Variants in USP43 observed in about 807,000 individuals in gnomAD.
The protein encoded by USP43 is ubiquitin carboxyl-terminal hydrolase 43.
In USP43, 33 loss-of-function variants were observed where a neutral mutation model predicts 90.7. The observed-to-expected ratio is 0.36, with a 90% confidence interval of 0.28 to 0.49. The LOEUF is 0.49. Ranked by LOEUF, USP43 falls within the 20% of genes least tolerant of loss-of-function variation. The pLI, the probability that USP43 is intolerant of heterozygous loss-of-function variation, is 0.98. For synonymous variants in USP43, 598 were observed against 615.8 expected, an observed-to-expected ratio of 0.97 and a Z score of 0.43; for missense variants, 1,274 against 1,476.4, an observed-to-expected ratio of 0.86 and a Z score of 2.25.
At chr17:9,720,365 CTTT>C (rs375103424) in intron 14 of USP43, among the ~76,000 whole-genome samples, 1 of 134,156 alleles carries the variant, frequency 7.5e-6, no homozygotes. Flanking sequence ...AAAAATCCAG[CTTT>C]TTTTTTTTTT....
At position 9,646,127 on chromosome 17, in the gene USP43, G is replaced by A. The variant is rs1352738019; in HGVS notation, c.495G>A (p.Ala165=). ...WTREYTPQLS[A]EFKNAVSKYG... ...GCGAATACACGCCCCAACTTTCCGC[G>A]GAGTTCAAGGTAGGCAGCGCTGCGC... The change falls in exon 1 of 15, where the codon GCG becomes GCA. Residue 165 remains alanine (A), a synonymous_variant. Coordinates refer to ENST00000285199, the MANE Select transcript of USP43 (RefSeq NM_153210.5). 2.0e-6 allele frequency: 3 copies of A among 1,464,698 alleles called. No individual in the cohort carries two copies. The highest frequency in any genetic ancestry group is 2.7e-6 in the Non-Finnish European group (3 of 1,112,014). The allele number at this position is 1,464,698 out of a possible 1,614,324, so 90.7% of individuals were successfully genotyped here.
chr17:9,646,219 C>T, intron 1 of USP43, 83 bp downstream of exon 1: 1 of 1,351,222 alleles, frequency 7.4e-7, no homozygotes, highest in Non-Finnish European at 9.5e-7. Flanking sequence ...AAAGGGTTTT[C>T]TTGGGGCCTT....
rs761275984 is a variant in USP43, at chr17:9,701,159, G to A, written c.1576G>A (p.Asp526Asn). Reference protein sequence around the residue: ...SLQEERAQDADSVWQQQQAHQ... With the variant: ...SLQEERAQDANSVWQQQQAHQ... Reference sequence around the variant, plus strand: ...CCAGGAGGAGCGAGCGCAGGATGCCGACAGTGTGTGGCAGCAGCAGCAGGC... The same window carrying A: ...CCAGGAGGAGCGAGCGCAGGATGCCAACAGTGTGTGGCAGCAGCAGCAGGC... The change falls in exon 11 of 15, where the codon GAC (aspartate) becomes AAC (asparagine). Residue 526 changes from aspartate to asparagine, a missense_variant. Physicochemically the swap from Asp to Asn is conservative, Grantham distance 23. Around this residue, in one of 6 missense-constraint regions of USP43, gnomAD observed 253 missense variants for 276.0 expected, o/e 0.92. Coordinates refer to ENST00000285199, the MANE Select transcript of USP43 (RefSeq NM_153210.5). The surrounding 1 kb of genome is among the most constrained non-coding windows in gnomAD (Gnocchi z 7.2). The A allele has an allele frequency of 6.6e-6, 10 of 1,522,220 alleles. No individual in the cohort carries two copies. The highest frequency in any genetic ancestry group is 1.7e-4 in the Middle Eastern group (1 of 5,732). 94.3% of individuals were successfully genotyped at this position (1,522,220 alleles called of 1,614,324 possible).
intron 1 of USP43, among the ~76,000 whole-genome samples, chr17:9,650,022 C>T (rs1026959959): frequency 3.9e-5 from 6 of 152,144 alleles, no homozygotes; most frequent in Admixed American, 6.6e-5. Flanking sequence ...CAGTGATATA[C>T]TGGAGACATG....
At position 9,645,688 on chromosome 17, in the gene USP43, G is replaced by A. The variant is rs933059341; in HGVS notation, c.56G>A (p.Arg19His). Reference sequence around the variant, plus strand: ...GGGGGACCGCTCGCGCCCCGGCCCCGCCGCCGCCGCTCCCTGCGCCGCCTG... The same window carrying A: ...GGGGGACCGCTCGCGCCCCGGCCCCACCGCCGCCGCTCCCTGCGCCGCCTG... Reference protein sequence around the residue: ...AGGGPLAPRPRRRRSLRRLFS... With the variant: ...AGGGPLAPRPHRRRSLRRLFS... The change falls in exon 1 of 15, where the codon CGC (arginine) becomes CAC (histidine). Residue 19 changes from arginine (R) to histidine (H), a missense_variant. Transcript: ENST00000285199. The surrounding 1 kb of genome is among the most constrained non-coding windows in gnomAD (Gnocchi z 6.8). 72 of 1,282,530 alleles carry A rather than the reference G, an allele frequency of 5.6e-5. No homozygotes were observed. In the African/African-American group the frequency reaches 9.2e-4, roughly 16 times the overall value. 79.4% of individuals were successfully genotyped at this position (1,282,530 alleles called of 1,614,324 possible). A position where few individuals can be genotyped will look rare whatever the true frequency, so the allele number is the denominator to read the frequency against.
intron 6 of USP43, among the ~76,000 whole-genome samples, chr17:9,681,073 T>C (rs1412410615): frequency 7.7e-6 from 1 of 129,484 alleles, no homozygotes; most frequent in Non-Finnish European, 1.5e-5. Context: ...GTATATTATA[T>C]ATCATATATA....
At chr17:9,656,175 G>A (rs950467612) in intron 1 of USP43, among the ~76,000 whole-genome samples, 6 of 152,034 alleles carry the variant, frequency 3.9e-5, no homozygotes, top group African/African-American at 1.4e-4. Flanking sequence ...CAGTCCTCTG[G>A]GAAGAAAATG....
At chr17:9,681,091 ATATG>A (rs1567660508) in intron 6 of USP43, among the ~76,000 whole-genome samples, 1 of 127,464 alleles carries the variant, frequency 7.8e-6, no homozygotes, top group East Asian at 2.2e-4. Context: ...ATAATATAAT[ATATG>A]ACATATACTA....
intron 4 of USP43, 25 bp downstream of exon 4, chr17:9,675,008 G>T: frequency 6.3e-7 from 1 of 1,596,878 alleles, no homozygotes; most frequent in Admixed American, 1.7e-5. Flanking sequence ...CGGCTTGCCC[G>T]GTGAACTTGA....
chr17:9,661,779 C>T (rs1912660176), intron 2 of USP43, among the ~76,000 whole-genome samples: 1 of 139,924 alleles, frequency 7.1e-6, no homozygotes, highest in Admixed American at 6.8e-5. Flanking sequence ...CCCTGCTGCC[C>T]CTCACTCCAG....
intron 10 of USP43, 116 bp downstream of exon 10, chr17:9,700,365 GC>G (rs1271070532): frequency 1.0e-6 from 1 of 989,422 alleles, no homozygotes; most frequent in Admixed American, 2.5e-5. Context: ...ACATCTTTGA[GC>G]CAGTGTAACC....
rs148801226 is a variant in USP43 at position 9,679,906 on chromosome 17, T to A, written c.970-325T>A. On this transcript the variant is annotated intron_variant, in intron 5 of 14. Coordinates refer to ENST00000285199, the MANE Select transcript of USP43 (RefSeq NM_153210.5). ...ACGTGAAAAAGGTTAGTAAACCTAT[T>A]CAGAAATTCTTTCACTCTGTAGTAA... Among the ~76,000 whole-genome samples, 50 of 152,332 alleles carry A rather than the reference T, an allele frequency of 3.3e-4. No individual in the cohort carries two copies. The East Asian group carries it at 9.2e-3, about 28-fold the overall frequency.
chr17:9,659,342 T>C (rs1362595366), intron 2 of USP43, among the ~76,000 whole-genome samples: 3 of 152,220 alleles, frequency 2.0e-5, no homozygotes, highest in Non-Finnish European at 4.4e-5. Context: ...TGCTTTACTA[T>C]TATAAGGATA....
chr17:9,673,765 C>G (rs1167826274), intron 3 of USP43, among the ~76,000 whole-genome samples: 1 of 152,170 alleles, frequency 6.6e-6, no homozygotes, highest in South Asian at 2.1e-4. Context: ...CTTCAGATTT[C>G]TCTTCTGTAA....
At chr17:9,710,697 G>A (rs559741400) in intron 13 of USP43, among the ~76,000 whole-genome samples, 2 of 151,716 alleles carry the variant, frequency 1.3e-5, no homozygotes, top group African/African-American at 2.4e-5. Flanking sequence ...TAGCAGAGAC[G>A]GGGTTTCACC....
rs780121861 is a variant in USP43 at position 9,728,317 on chromosome 17, G to C, written c.2699G>C (p.Cys900Ser). ...TGTCCCTCGGCTCAACCCAACCACT[G>C]TCTGGCCCCTGGAAACTCAGATGGT... is the stretch of plus-strand genomic sequence containing the variant. ...VPCPSAQPNH[C>S]LAPGNSDGPN... Residue 900 changes from cysteine (C) to serine (S), a missense_variant, in exon 15 of 15, where the codon TGT becomes TCT. By Grantham distance (112) the Cys-to-Ser change is moderately radical. This residue lies in a region of USP43 where 353 missense variants were observed against 329.7 expected (regional missense o/e 1.07). Coordinates refer to ENST00000285199, the MANE Select transcript of USP43 (RefSeq NM_153210.5). This position sits in a 1 kb window ranked among gnomAD's most constrained non-coding sequence, Gnocchi z 6.2. 12 of 1,612,592 alleles carry C rather than the reference G, an allele frequency of 7.4e-6. No homozygotes were observed. Among genetic ancestry groups the C allele is most frequent in the African/African-American group, 1.3e-5 (1 of 74,888 alleles).
At chr17:9,683,326 T>C (rs1029569098) in intron 7 of USP43, among the ~76,000 whole-genome samples, 2 of 152,136 alleles carry the variant, frequency 1.3e-5, no homozygotes, top group African/African-American at 2.4e-5. Flanking sequence ...TGATTGGCAG[T>C]AAGGAAAGGG....
At chr17:9,696,987 C>T (rs528313580) in intron 9 of USP43, among the ~76,000 whole-genome samples, 3 of 152,342 alleles carry the variant, frequency 2.0e-5, no homozygotes, top group East Asian at 1.9e-4. Context: ...GAGGCCAAGG[C>T]GGGTGGATCA....
chr17:9,673,878 A>T (rs1361337952), intron 3 of USP43, among the ~76,000 whole-genome samples: 5 of 152,168 alleles, frequency 3.3e-5, no homozygotes, highest in Non-Finnish European at 7.4e-5. Flanking sequence ...CATGTTAGTT[A>T]TTACTTTAAG....
Sources: gnomAD v4.1 joint callset for allele counts (sites outside exome capture counted in the v4.1 genomes callset) on GRCh38, gnomAD v4.1.1 for gene constraint, gnomAD v4.1.1 regional missense constraint, Gnocchi (gnomAD v3.1) non-coding constraint, MANE v1.5 for transcripts, NCBI Gene and HGNC (gene_info 2026-07-23, HGNC 2026-07-21) for gene names.